ZNF341: variants seen among roughly 807,000 people sequenced by gnomAD.
The protein encoded by ZNF341 is zinc finger protein 341.
In ZNF341, 52 loss-of-function variants were observed where a neutral mutation model predicts 87.7. The ratio of observed to expected loss-of-function variants is 0.59; its 90% CI spans 0.47 to 0.75. The LOEUF (loss-of-function observed/expected upper bound fraction) is 0.75, where lower values mean the gene tolerates loss of function less well. ZNF341 is among the 30% of genes least tolerant of loss of function. The probability of loss-of-function intolerance (pLI) is 0.00; values close to 1 mark genes in which losing one functional copy is unlikely to be tolerated. For synonymous variants in ZNF341, 459 were observed against 472.7 expected (o/e 0.97, Z 0.38); for missense variants, 977 against 1,145.9 (o/e 0.85, Z 2.13).
At chr20:33,738,144 A>AT (rs1002545694) in intron 1 of ZNF341, among the ~76,000 whole-genome samples, 1 of 151,814 alleles carries the variant, frequency 6.6e-6, no homozygotes, top group African/African-American at 2.4e-5. Flanking sequence ...TCTCAAAAAA[A>AT]AAAAAAAAAG....
At chr20:33,788,783 G>C in intron 12 of ZNF341, 80 bp from the exon 13 acceptor site, 1 of 1,136,850 alleles carries the variant, frequency 8.8e-7, no homozygotes, top group Non-Finnish European at 1.3e-6. Context: ...CTGCTCCCCT[G>C]AGGGGCCCAG....
intron 3 of ZNF341, 108 bp downstream of exon 3, chr20:33,745,407 T>C (rs2018898024): frequency 8.6e-7 from 1 of 1,156,650 alleles, no homozygotes; most frequent in East Asian, 2.6e-5. Flanking sequence ...ACCAAGTCCC[T>C]GCCCTTGTGG....
chr20:33,779,321 A>G (rs2019692325), intron 10 of ZNF341, among the ~76,000 whole-genome samples: 2 of 152,166 alleles, frequency 1.3e-5, no homozygotes, highest in South Asian at 4.1e-4. Flanking sequence ...ACCATTCATG[A>G]GAAATCCACC....
chr20:33,784,161 CTCCCTA>C (rs148571939), intron 12 of ZNF341, among the ~76,000 whole-genome samples: 2 of 60,138 alleles, frequency 3.3e-5, no homozygotes, highest in African/African-American at 1.6e-4. Context: ...CCCTCTCCCT[CTCCCTA>C]CTCCTCTCCC....
In ZNF341 at chr20:33,745,110, G is replaced by C; in HGVS notation, c.150G>C (p.Glu50Asp). 1 of 1,609,808 alleles carries C rather than the reference G, an allele frequency of 6.2e-7. No individual in the cohort carries two copies. The highest frequency in any genetic ancestry group is 1.3e-5 in the African/African-American group (1 of 74,940). Residue 50 changes from glutamate to aspartate, a missense_variant, in exon 3 of 15, where the codon GAG becomes GAC. By Grantham distance (45) the Glu-to-Asp change is conservative. Around this residue, in one of 3 missense-constraint regions of ZNF341, gnomAD observed 515 missense variants for 598.2 expected, o/e 0.86. Transcript: ENST00000375200. ...APPAIQPLDDEDVFLCGKCKK... is the reference protein window; with the variant it reads ...APPAIQPLDDDDVFLCGKCKK... ...CTGCGGGTATGACCCCAGATGACGA[G>C]GATGTATTTCTCTGCGGGAAGTGTA... is the stretch of plus-strand genomic sequence containing the variant.
At chr20:33,745,501 G>A (rs867392320) in intron 3 of ZNF341, among the ~76,000 whole-genome samples, 2 of 152,154 alleles carry the variant, frequency 1.3e-5, no homozygotes, top group Middle Eastern at 6.8e-3. Flanking sequence ...GGGGATGGGA[G>A]GTTTTGCCAT....
intron 4 of ZNF341, chr20:33,752,119 T>A: frequency 3.5e-6 from 1 of 284,452 alleles, no homozygotes. Flanking sequence ...CCCCCCCCCC[T>A]TTTTTTTTAA....
In ZNF341 at chr20:33,790,921, C is replaced by T. The variant is rs1601298599; in HGVS notation, c.2036-67C>T. ...TGGGGAAAGAGCCTGGATTTTATTC[C>T]CAGCGCAGGGCACTGTTGCGGGGTG... On this transcript the variant is annotated intron_variant, in intron 14 of 14. Transcript: ENST00000375200. 4 of 1,521,362 alleles carry T rather than the reference C, an allele frequency of 2.6e-6. No individual in the cohort carries two copies. The South Asian group carries it at 3.8e-5, about 14-fold the overall frequency. The allele number at this position is 1,521,362 out of a possible 1,614,324, so 94.2% of individuals were successfully genotyped here. A position where few individuals can be genotyped will look rare whatever the true frequency, so the allele number is the denominator to read the frequency against.
chr20:33,762,109 C>T, intron 8 of ZNF341, 54 bp downstream of exon 8: 1 of 1,475,338 alleles, frequency 6.8e-7, no homozygotes, highest in Non-Finnish European at 9.1e-7. Context: ...TGCCGCTTCA[C>T]AGGTTTTATT....
At position 33,791,227 on chromosome 20, in the gene ZNF341, G is replaced by A. The variant is rs1290241255; in HGVS notation, c.2275G>A (p.Gly759Ser). The part of the protein sequence containing the change: ...RRAAPRSCGS[G>S]GRKVLTPLPD... ...GGCAGCCCCCCGCAGTTGCGGCAGT[G>A]GTGGGCGCAAGGTGCTGACCCCCTT... is the stretch of plus-strand genomic sequence containing the variant. Residue 759 changes from glycine (G) to serine (S), a missense_variant, in exon 15 of 15, where the codon GGT becomes AGT. Around this residue, in one of 3 missense-constraint regions of ZNF341, gnomAD observed 221 missense variants for 212.7 expected, o/e 1.04. Coordinates refer to ENST00000375200, the MANE Select transcript of ZNF341 (RefSeq NM_001282933.2). 1 of 1,611,990 alleles carries A rather than the reference G, an allele frequency of 6.2e-7. No homozygotes were observed. Among genetic ancestry groups the A allele is most frequent in the African/African-American group, 1.3e-5 (1 of 74,930 alleles).
At chr20:33,762,076 C>G (rs747647555) in intron 8 of ZNF341, 21 bp downstream of exon 8, 1 of 1,504,282 alleles carries the variant, frequency 6.6e-7, no homozygotes, top group Admixed American at 1.9e-5. Context: ...GTAGGGAACG[C>G]CATGCTTCCC....
rs1246925270 is a variant in ZNF341, at chr20:33,791,817, C to A, written c.*300C>A. On this transcript the variant is annotated 3_prime_UTR_variant, in exon 15 of 15. Transcript: ENST00000375200. ...CAGCCCAGAGTCCCGCTGGTCTAGG[C>A]TGGTGGTCGGGGCCCCTGGGAGAGG... The A allele has an allele frequency of 3.3e-5, 12 of 359,246 alleles. No individual in the cohort carries two copies. Among genetic ancestry groups the A allele is most frequent in the African/African-American group, 2.3e-4 (11 of 48,716 alleles). The allele number at this position is 359,246 out of a possible 1,614,324, so 22.3% of individuals were successfully genotyped here.
chr20:33,734,909 T>C lies in ZNF341; in HGVS notation c.31+2857T>C, dbSNP rs2018647052. Among the ~76,000 whole-genome samples, 5 of 152,142 alleles carry C rather than the reference T, an allele frequency of 3.3e-5. No homozygotes were observed. The South Asian group carries it at 1.0e-3, about 32-fold the overall frequency. On this transcript the variant is annotated intron_variant, in intron 1 of 14. Coordinates refer to ENST00000375200, the MANE Select transcript of ZNF341 (RefSeq NM_001282933.2). ...TAATAGAGAAGGGGGTTTCACCATGTTGGCCAGGCTGGTCTCAAACTCCTG... is the reference window on the plus strand; with the variant it reads ...TAATAGAGAAGGGGGTTTCACCATGCTGGCCAGGCTGGTCTCAAACTCCTG...
chr20:33,743,441 G>T (rs1431527322), intron 2 of ZNF341, among the ~76,000 whole-genome samples: 1 of 148,576 alleles, frequency 6.7e-6, no homozygotes, highest in Non-Finnish European at 1.5e-5. Flanking sequence ...CTGGGTTTAA[G>T]CAATTCTCCT....
intron 1 of ZNF341, among the ~76,000 whole-genome samples, chr20:33,740,257 G>A (rs1490978533): frequency 6.6e-6 from 1 of 152,164 alleles, no homozygotes; most frequent in Admixed American, 6.6e-5. Context: ...TCTGGGAAGT[G>A]GAAAGGAGGA....
intron 7 of ZNF341, among the ~76,000 whole-genome samples, chr20:33,760,879 TC>T (rs1301135499): frequency 6.6e-6 from 1 of 152,232 alleles, no homozygotes; most frequent in Non-Finnish European, 1.5e-5. Context: ...ATGGCTTATG[TC>T]TACCTTATGG....
chr20:33,763,180 T>C (rs762197171), intron 8 of ZNF341, among the ~76,000 whole-genome samples: 1 of 152,206 alleles, frequency 6.6e-6, no homozygotes, highest in African/African-American at 2.4e-5. Flanking sequence ...TTACATTCAT[T>C]TAAAAAATTT....
chr20:33,745,494 G>T (rs1450521350), intron 3 of ZNF341, among the ~76,000 whole-genome samples, 195 bp downstream of exon 3: 1 of 152,128 alleles, frequency 6.6e-6, no homozygotes, highest in Non-Finnish European at 1.5e-5. Context: ...GCCAGACGGG[G>T]ATGGGAGGTT....
chr20:33,754,662 G>A (rs1251970165), intron 5 of ZNF341, among the ~76,000 whole-genome samples: 1 of 152,202 alleles, frequency 6.6e-6, no homozygotes, highest in Middle Eastern at 3.2e-3. Context: ...GACCAGCCCA[G>A]AGAGGACCAG....
Sources: allele counts gnomAD v4.1 joint callset (sites outside exome capture counted in the v4.1 genomes callset), GRCh38; gene constraint gnomAD v4.1.1; regional missense constraint gnomAD v4.1.1; transcripts MANE v1.5; gene names NCBI Gene and HGNC (gene_info 2026-07-23, HGNC 2026-07-21).